Variants in PAMR1 observed in about 807,000 individuals in gnomAD.
PAMR1 encodes the protein peptidase domain containing associated with muscle regeneration 1, also known as inactive serine protease PAMR1.
Under a neutral mutation model 81.8 loss-of-function variants are expected in PAMR1, and 88 were observed. The ratio of observed to expected loss-of-function variants is 1.08; its 90% confidence interval spans 0.91 to 1.28. The LOEUF (loss-of-function observed/expected upper bound fraction) is 1.28. Ranked by LOEUF, PAMR1 falls within the 50% of genes most tolerant of loss-of-function variation. PAMR1 has a pLI of 0.00. For missense variants in PAMR1, 935 were observed against 919.7 expected (o/e 1.02, Z -0.21); for synonymous variants, 336 against 345.3 (o/e 0.97, Z 0.30).
intron 5 of PAMR1, among the ~76,000 whole-genome samples, chr11:35,469,164 G>A (rs1019974665): frequency 5.3e-5 from 8 of 152,252 alleles, no homozygotes; most frequent in Non-Finnish European, 1.2e-4. Context: ...GGCTATGAAG[G>A]ATGGATTTTG....
rs1376497998 is a variant in PAMR1 at position 35,432,651 on chromosome 11, C to G, written c.1868G>C (p.Ser623Thr). 1 of 1,614,018 alleles carries G rather than the reference C, an allele frequency of 6.2e-7. No individual in the cohort carries two copies. The highest frequency in any genetic ancestry group is 1.7e-5 in the Admixed American group (1 of 60,030). Residue 623 changes from serine (S) to threonine (T), a missense_variant, in exon 11 of 11, where the codon AGT becomes ACT. By Grantham distance (58) the Ser-to-Thr change is moderately conservative. Transcript: ENST00000619888. ...KNDTLRSGVV[S>T]VVDSLLCEEQ... ...CTCACACAGCAGCGAGTCCACCACA[C>G]TGACCACCCCAGAGCGCAGTGTGTC...
chr11:35,512,477 G>T (rs1349299039), intron 1 of PAMR1, among the ~76,000 whole-genome samples: 1 of 152,142 alleles, frequency 6.6e-6, no homozygotes, highest in African/African-American at 2.4e-5. Context: ...CACAATAATT[G>T]GTTCCTGAGA....
chr11:35,446,534 GTC>G (rs1366689385), intron 6 of PAMR1, among the ~76,000 whole-genome samples: 3 of 152,152 alleles, frequency 2.0e-5, no homozygotes, highest in African/African-American at 7.2e-5. Flanking sequence ...CCGGTATGTT[GTC>G]TGTTTGTTCT....
intron 3 of PAMR1, among the ~76,000 whole-genome samples, chr11:35,478,304 G>A (rs963093847): frequency 1.3e-5 from 2 of 152,172 alleles, no homozygotes; most frequent in Admixed American, 1.3e-4. Context: ...CCAGATGCCC[G>A]ATCCCTGGCC....
At chr11:35,443,293 C>T (rs562893892) in intron 6 of PAMR1, among the ~76,000 whole-genome samples, 18 of 152,024 alleles carry the variant, frequency 1.2e-4, no homozygotes, top group Admixed American at 8.5e-4. Flanking sequence ...TTTGCTGCAC[C>T]TGTCAATCCA....
chr11:35,520,044 T>A (rs1851242883), intron 1 of PAMR1, among the ~76,000 whole-genome samples: 1 of 152,196 alleles, frequency 6.6e-6, no homozygotes, highest in Non-Finnish European at 1.5e-5. Flanking sequence ...AGTAAATATA[T>A]ATAAAGCATA....
intron 1 of PAMR1, among the ~76,000 whole-genome samples, chr11:35,512,573 C>A (rs1344449161): frequency 6.6e-6 from 1 of 152,190 alleles, no homozygotes; most frequent in African/African-American, 2.4e-5. Flanking sequence ...AAATTTGAAT[C>A]CCAGCTCCAC....
chr11:35,501,504 C>T (rs1413111069), intron 1 of PAMR1, among the ~76,000 whole-genome samples: 1 of 151,976 alleles, frequency 6.6e-6, no homozygotes, highest in Admixed American at 6.6e-5. Flanking sequence ...TACAGTTGTA[C>T]AAAAATATTT....
At chr11:35,526,390 A>G (rs1015969228), upstream of PAMR1, among the ~76,000 whole-genome samples, 20 of 152,242 alleles carry the variant, frequency 1.3e-4, no homozygotes, top group Non-Finnish European at 2.4e-4. Context: ...AGAACACACA[A>G]GAACCCTCAC....
intron 1 of PAMR1, among the ~76,000 whole-genome samples, chr11:35,519,694 C>T (rs1767957983): frequency 6.6e-6 from 1 of 152,182 alleles, no homozygotes; most frequent in African/African-American, 2.4e-5. Context: ...TTTCCTGCAT[C>T]CACTCCACCT....
intron 6 of PAMR1, among the ~76,000 whole-genome samples, chr11:35,447,029 T>C (rs998709283): frequency 1.3e-5 from 2 of 152,174 alleles, no homozygotes; most frequent in Admixed American, 1.3e-4. Context: ...ATTGGGTGCA[T>C]ATATGTTTAG....
At chr11:35,484,559 C>T (rs1001636030) in intron 3 of PAMR1, among the ~76,000 whole-genome samples, 3 of 152,240 alleles carry the variant, frequency 2.0e-5, no homozygotes, top group Non-Finnish European at 2.9e-5. Flanking sequence ...GCTCAGGAAT[C>T]GGCCTGCACA....
chr11:35,455,836 C>T (rs1313859827), intron 6 of PAMR1, among the ~76,000 whole-genome samples: 2 of 151,074 alleles, frequency 1.3e-5, no homozygotes, highest in Non-Finnish European at 2.9e-5. Flanking sequence ...GATGCCAGTT[C>T]AAGATATTCT....
chr11:35,444,020 A>G (rs1052730777), intron 6 of PAMR1, among the ~76,000 whole-genome samples: 1 of 152,222 alleles, frequency 6.6e-6, no homozygotes, highest in African/African-American at 2.4e-5. Context: ...GGAAGCAAAA[A>G]GACCCCATAT....
chr11:35,482,359 T>G (rs1297457081), intron 3 of PAMR1, among the ~76,000 whole-genome samples: 1 of 151,930 alleles, frequency 6.6e-6, no homozygotes, highest in Non-Finnish European at 1.5e-5. Flanking sequence ...TGTGTGGTGT[T>G]TTTTCTGAGG....
intron 1 of PAMR1, among the ~76,000 whole-genome samples, chr11:35,508,459 G>C (rs779721328): frequency 6.7e-6 from 1 of 149,520 alleles, no homozygotes; most frequent in East Asian, 2.0e-4. Flanking sequence ...TTGGTTTTGT[G>C]TCAGGAGAGT....
At chr11:35,497,111 A>G (rs2135404531) in intron 1 of PAMR1, among the ~76,000 whole-genome samples, 1 of 152,328 alleles carries the variant, frequency 6.6e-6, no homozygotes, top group Non-Finnish European at 1.5e-5. Context: ...GGTTGCAGTG[A>G]GCCAAGATTG....
chr11:35,494,509 A>G (rs1850689145), intron 1 of PAMR1, among the ~76,000 whole-genome samples: 1 of 152,038 alleles, frequency 6.6e-6, no homozygotes, highest in African/African-American at 2.4e-5. Context: ...AATTTTTTGT[A>G]TTTTTAGTAG....
intron 6 of PAMR1, among the ~76,000 whole-genome samples, chr11:35,444,869 C>G (rs1391845048): frequency 4.6e-5 from 7 of 152,126 alleles, no homozygotes; most frequent in Non-Finnish European, 8.8e-5. Context: ...TTTTCTAATT[C>G]TGTGAAGAAT....
Sources: gnomAD v4.1 joint callset for allele counts (sites outside exome capture counted in the v4.1 genomes callset) on GRCh38, gnomAD v4.1.1 for gene constraint, MANE v1.5 for transcripts, NCBI Gene and HGNC (gene_info 2026-07-23, HGNC 2026-07-21) for gene names.